The following SCIN variants were observed in gnomAD, a reference collection of about 807,000 sequenced individuals.
SCIN encodes the protein scinderin.
SCIN carries 91 observed loss-of-function variants against 91.8 expected under a neutral mutation model. That is an observed-to-expected ratio of 0.99 (90% confidence interval 0.84 to 1.18). The LOEUF is 1.18. Ranked by LOEUF, SCIN falls within the 50% of genes most tolerant of loss-of-function variation. SCIN has a pLI of 0.00. For missense variants in SCIN, 1,087 were observed against 863.9 expected, an observed-to-expected ratio of 1.26 and a Z score of -3.24; for synonymous variants, 367 against 312.6, an observed-to-expected ratio of 1.17 and a Z score of -1.84.
chr7:12,623,122 C>G (rs1783444058), intron 5 of SCIN, among the ~76,000 whole-genome samples: 2 of 152,050 alleles, frequency 1.3e-5, no homozygotes, highest in Non-Finnish European at 2.9e-5. Flanking sequence ...ATTGCTGTGA[C>G]TTCATAAAAT....
At chr7:12,584,633 G>T (rs1782551506) in intron 3 of SCIN, among the ~76,000 whole-genome samples, 2 of 152,160 alleles carry the variant, frequency 1.3e-5, no homozygotes, top group Admixed American at 1.3e-4. Context: ...TAGACCCATT[G>T]TCTCATAGTT....
At chr7:12,588,811 G>GT (rs1554291188) in intron 3 of SCIN, 2 of 72,814 alleles carry the variant, frequency 2.7e-5, no homozygotes, top group African/African-American at 1.5e-4. Flanking sequence ...CATTGGGTGG[G>GT]GGGGGGGGGG....
intron 9 of SCIN, among the ~76,000 whole-genome samples, chr7:12,632,430 C>T (rs181914997): frequency 1.8e-4 from 28 of 152,216 alleles, no homozygotes; most frequent in African/African-American, 6.5e-4. Flanking sequence ...TGCACCTGGC[C>T]TGTTTTTTAT....
At chr7:12,611,662 G>A (rs1188446532) in intron 4 of SCIN, among the ~76,000 whole-genome samples, 4 of 152,102 alleles carry the variant, frequency 2.6e-5, no homozygotes, top group African/African-American at 9.7e-5. Flanking sequence ...TAATTGAAAT[G>A]GGGAGCTTTG....
intron 11 of SCIN, among the ~76,000 whole-genome samples, chr7:12,641,385 C>T (rs73048764): frequency 0.033 from 4,982 of 152,276 alleles, 128 homozygotes; most frequent in Middle Eastern, 0.071. Flanking sequence ...ACCATGGCCT[C>T]AGGGATGGGG....
intron 2 of SCIN, among the ~76,000 whole-genome samples, chr7:12,579,786 C>T (rs377048360): frequency 3.3e-5 from 5 of 152,072 alleles, no homozygotes; most frequent in South Asian, 2.1e-4. Flanking sequence ...TGGTGACATG[C>T]GCCTGTAACC....
chr7:12,633,474 A>G (rs1783685604), intron 9 of SCIN, among the ~76,000 whole-genome samples: 1 of 152,186 alleles, frequency 6.6e-6, no homozygotes, highest in South Asian at 2.1e-4. Context: ...GAATACTTGA[A>G]TCTGTGTGGA....
Position 12,581,054 on chromosome 7 carries a change from C to T in SCIN, c.355-6C>T. 1 of 1,549,934 alleles carries T rather than the reference C, an allele frequency of 6.5e-7. No homozygotes were observed. The highest frequency in any genetic ancestry group is 1.2e-5 in the South Asian group (1 of 83,866). ...TTTTGTGTGTCTGTCTTCCCTCATT[C>T]ATCAGGCTGGAGGCGTGGCATCTGG... On this transcript the variant is annotated splice_region_variant and splice_polypyrimidine_tract_variant and intron_variant, in intron 2 of 15. Transcript: ENST00000297029.
At position 12,573,883 on chromosome 7, in the gene SCIN, A is replaced by G. The variant is rs180729684; in HGVS notation, c.199+2898A>G. 9.5e-4 allele frequency among the ~76,000 whole-genome samples: 144 copies of G among 152,306 alleles called. 1 individual carries two copies. The highest frequency in any genetic ancestry group is 1.4e-3 in the Non-Finnish European group (98 of 68,004). On this transcript the variant is annotated intron_variant, in intron 1 of 15. Coordinates refer to ENST00000297029, the MANE Select transcript of SCIN (RefSeq NM_001112706.3). ...AAAGGATTGGATTACAATATACGAT[A>G]CAAAGAACTTATACGAAGGACTGGC... is the stretch of plus-strand genomic sequence containing the variant.
At chr7:12,640,662 A>C (rs1160700752) in intron 11 of SCIN, 145 bp downstream of exon 11, 3 of 767,116 alleles carry the variant, frequency 3.9e-6, no homozygotes, top group African/African-American at 1.8e-5. Context: ...TTTTAAAAAC[A>C]TTTAAAGCAG....
Position 12,659,204 on chromosome 7 carries a change from C to T in SCIN, c.*6489C>T, listed in dbSNP as rs1161429081. 1 of 152,260 alleles carries T rather than the reference C, an allele frequency of 6.6e-6. No individual in the cohort carries two copies. The highest frequency in any genetic ancestry group is 2.4e-5 in the African/African-American group (1 of 41,450). 9.4% of individuals were successfully genotyped at this position (152,260 alleles called of 1,614,324 possible). On this transcript the variant is annotated 3_prime_UTR_variant, in exon 16 of 16. Coordinates refer to ENST00000297029, the MANE Select transcript of SCIN (RefSeq NM_001112706.3). ...AACTCCTGAACTTGTGATCCACCCT[C>T]CTCTGCCTTCCAAAGTGCTGGGATT...
intron 7 of SCIN, 55 bp downstream of exon 7, chr7:12,625,905 C>T (rs1204567381): frequency 1.0e-5 from 13 of 1,277,094 alleles, no homozygotes; most frequent in Middle Eastern, 1.9e-4. Flanking sequence ...GAGCTCATGA[C>T]ATCTCCACGA....
chr7:12,620,340 A>G (rs1289221153), intron 4 of SCIN, among the ~76,000 whole-genome samples: 1 of 152,084 alleles, frequency 6.6e-6, no homozygotes, highest in Non-Finnish European at 1.5e-5. Context: ...TCTTTCACCA[A>G]CATTTCTCCA....
rs1430496012 is a variant in SCIN at position 12,657,090 on chromosome 7, T to A, written c.*4375T>A. On this transcript the variant is annotated 3_prime_UTR_variant, in exon 16 of 16. Coordinates refer to ENST00000297029, the MANE Select transcript of SCIN (RefSeq NM_001112706.3). Reference sequence around the variant, plus strand: ...GAAGTATAAATTGATACAATGGGTTTGAACAGTTTTTGTATTTTCTACTAA... The same window carrying A: ...GAAGTATAAATTGATACAATGGGTTAGAACAGTTTTTGTATTTTCTACTAA... The A allele has an allele frequency of 1.3e-5, 2 of 151,958 alleles. No homozygotes were observed. The highest frequency in any genetic ancestry group is 4.8e-5 in the African/African-American group (2 of 41,366). 9.4% of individuals were successfully genotyped at this position (151,958 alleles called of 1,614,324 possible). A position where few individuals can be genotyped will look rare whatever the true frequency, so the allele number is the denominator to read the frequency against.
At chr7:12,572,746 G>A (rs1212160282) in intron 1 of SCIN, among the ~76,000 whole-genome samples, 1 of 152,054 alleles carries the variant, frequency 6.6e-6, no homozygotes, top group African/African-American at 2.4e-5. Context: ...AATGGTTTGG[G>A]CAGAAACATT....
intron 8 of SCIN, among the ~76,000 whole-genome samples, chr7:12,627,388 C>G (rs918354950): frequency 3.4e-4 from 52 of 152,210 alleles, no homozygotes; most frequent in African/African-American, 1.1e-3. Flanking sequence ...AGGCTTCCCT[C>G]AGCGCTGAAG....
At chr7:12,597,266 C>T (rs1583288535) in intron 3 of SCIN, among the ~76,000 whole-genome samples, 1 of 152,162 alleles carries the variant, frequency 6.6e-6, no homozygotes, top group African/African-American at 2.4e-5. Flanking sequence ...GCTAAAGATA[C>T]ATCTTAATGA....
intron 10 of SCIN, 104 bp downstream of exon 10, chr7:12,636,239 T>C: frequency 1.3e-6 from 1 of 749,200 alleles, no homozygotes; most frequent in South Asian, 1.8e-5. Flanking sequence ...TGACATTTTC[T>C]TGATATGAAC....
intron 3 of SCIN, among the ~76,000 whole-genome samples, chr7:12,593,250 A>C (rs1254057912): frequency 6.6e-6 from 1 of 152,120 alleles, no homozygotes; most frequent in Non-Finnish European, 1.5e-5. Flanking sequence ...AGACTGACAG[A>C]TAGCCACTGC....
Sources: gnomAD v4.1 joint callset for allele counts (sites outside exome capture counted in the v4.1 genomes callset) on GRCh38, gnomAD v4.1.1 for gene constraint, MANE v1.5 for transcripts, NCBI Gene and HGNC (gene_info 2026-07-23, HGNC 2026-07-21) for gene names.